ROBO1: variants seen among roughly 807,000 people sequenced by gnomAD.
ROBO1 encodes the protein roundabout homolog 1.
A neutral mutation model predicts 195.9 loss-of-function variants in ROBO1; 149 were observed. That is an observed-to-expected ratio of 0.76 (90% CI 0.67 to 0.87). ROBO1 has a LOEUF of 0.87. Among genes scored for constraint, ROBO1 ranks in the 40% least tolerant of loss-of-function variants. The probability of loss-of-function intolerance (pLI) is 0.00; values close to 1 mark genes in which losing one functional copy is unlikely to be tolerated. For missense variants in ROBO1, 1,933 were observed against 2,068.3 expected (o/e 0.93, Z 1.27); for synonymous variants, 816 against 733.2 (o/e 1.11, Z -1.82).
At chr3:79,275,936 T>G (rs143751190) in intron 2 of ROBO1, among the ~76,000 whole-genome samples, 1 of 151,774 alleles carries the variant, frequency 6.6e-6, no homozygotes, top group Admixed American at 6.6e-5. Flanking sequence ...GAAAGTTTTC[T>G]AAAATGAAAA....
At chr3:78,602,051 TG>T in intron 29 of ROBO1, among the ~76,000 whole-genome samples, 1 of 150,878 alleles carries the variant, frequency 6.6e-6, no homozygotes, top group African/African-American at 2.4e-5. Context: ...TGTGAGTGTG[TG>T]TGTGTGTGTG....
intron 2 of ROBO1, among the ~76,000 whole-genome samples, chr3:79,337,890 A>G (rs1400148767): frequency 6.6e-6 from 1 of 152,196 alleles, no homozygotes; most frequent in African/African-American, 2.4e-5. Flanking sequence ...AAGAAACACT[A>G]AAACTTTTTA....
chr3:79,707,510 A>T (rs1024507255), intron 1 of ROBO1, among the ~76,000 whole-genome samples: 3 of 152,060 alleles, frequency 2.0e-5, no homozygotes, highest in Non-Finnish European at 4.4e-5. Context: ...TTTATATTTT[A>T]AAAATAATTT....
At chr3:78,990,423 C>A (rs544015145) in intron 3 of ROBO1, among the ~76,000 whole-genome samples, 3 of 152,214 alleles carry the variant, frequency 2.0e-5, no homozygotes, top group African/African-American at 7.2e-5. Context: ...AGTCAGTTTT[C>A]CTTGTTAGCT....
intron 1 of ROBO1, among the ~76,000 whole-genome samples, chr3:79,612,084 T>C (rs1944676919): frequency 6.6e-6 from 1 of 151,572 alleles, no homozygotes. Context: ...ATTGTGCAGG[T>C]TAGTTACATA....
In ROBO1 at chr3:79,686,759, G is replaced by A. The variant is rs1947127244; in HGVS notation, c.-51+80993C>T. Among the ~76,000 whole-genome samples, 3 of 152,154 alleles carry A rather than the reference G, an allele frequency of 2.0e-5. No homozygotes were observed. The South Asian group carries it at 6.2e-4, about 32-fold the overall frequency. ...AAGGACATTCCATGCTCATGGGTAGGAAGAATCAATATCATGAAAATAGCC... is the reference window on the plus strand; with the variant it reads ...AAGGACATTCCATGCTCATGGGTAGAAAGAATCAATATCATGAAAATAGCC... On this transcript the variant is annotated intron_variant, in intron 1 of 30. Coordinates refer to ENST00000464233, the MANE Select transcript of ROBO1 (RefSeq NM_002941.4).
chr3:79,582,810 C>T (rs1455761739), intron 2 of ROBO1, among the ~76,000 whole-genome samples: 1 of 152,028 alleles, frequency 6.6e-6, no homozygotes, highest in African/African-American at 2.4e-5. Flanking sequence ...TTCTACCAAC[C>T]AAATAAGTTC....
intron 2 of ROBO1, among the ~76,000 whole-genome samples, chr3:79,368,175 C>T (rs1324466239): frequency 2.0e-5 from 3 of 152,034 alleles, no homozygotes; most frequent in Non-Finnish European, 4.4e-5. Flanking sequence ...TCAAATGATC[C>T]GCTCACCTCG....
chr3:79,692,170 G>A (rs1055977090), intron 1 of ROBO1, among the ~76,000 whole-genome samples: 3 of 151,830 alleles, frequency 2.0e-5, no homozygotes, highest in Non-Finnish European at 2.9e-5. Flanking sequence ...AGAGAAGGTG[G>A]AATGTTTAGA....
At chr3:79,619,564 G>A (rs1028571654) in intron 1 of ROBO1, among the ~76,000 whole-genome samples, 1 of 152,052 alleles carries the variant, frequency 6.6e-6, no homozygotes, top group East Asian at 1.9e-4. Context: ...CTGGCTTACA[G>A]TTTTGTTCCA....
intron 3 of ROBO1, among the ~76,000 whole-genome samples, chr3:79,007,713 T>C (rs1391722881): frequency 6.6e-6 from 1 of 152,216 alleles, no homozygotes. Flanking sequence ...GCAAACATTG[T>C]AGAATGGTTA....
chr3:78,645,557 T>C (rs1314020168), intron 21 of ROBO1, among the ~76,000 whole-genome samples: 2 of 152,094 alleles, frequency 1.3e-5, no homozygotes, highest in African/African-American at 4.8e-5. Flanking sequence ...ATTTGTGATT[T>C]CTCTGTGAAT....
chr3:78,861,792 C>T (rs1170117205), intron 4 of ROBO1, among the ~76,000 whole-genome samples: 12 of 152,210 alleles, frequency 7.9e-5, no homozygotes, highest in Middle Eastern at 3.4e-3. Context: ...TCCCTTATAT[C>T]TAGAAATATA....
Position 78,599,981 on chromosome 3 carries a change from G to A in ROBO1, c.4941+132C>T, listed in dbSNP as rs188885906. On this transcript the variant is annotated intron_variant, in intron 30 of 30. Coordinates refer to ENST00000464233, the MANE Select transcript of ROBO1 (RefSeq NM_002941.4). ...TCAAATTCTCAGAACTTCAGTTTCT[G>A]CCATCATAGACATTAGAGTACTGAA... is the stretch of plus-strand genomic sequence containing the variant. 141 of 762,850 alleles carry A rather than the reference G, an allele frequency of 1.8e-4. No individual in the cohort carries two copies. The African/African-American group carries it at 2.2e-3, about 12-fold the overall frequency. The allele number at this position is 762,850 out of a possible 1,614,324, so 47.3% of individuals were successfully genotyped here.
At chr3:79,720,935 G>A (rs1007864248) in intron 1 of ROBO1, among the ~76,000 whole-genome samples, 2 of 152,032 alleles carry the variant, frequency 1.3e-5, no homozygotes, top group South Asian at 2.1e-4. Flanking sequence ...TGGGACTACA[G>A]GCGCCCGCCA....
intron 1 of ROBO1, among the ~76,000 whole-genome samples, chr3:79,737,153 A>G (rs527596387): frequency 6.6e-6 from 1 of 152,302 alleles, no homozygotes; most frequent in Non-Finnish European, 1.5e-5. Flanking sequence ...AACCCAAAAT[A>G]TAGACAATCC....
chr3:78,876,365 TG>T (rs1318435748), intron 4 of ROBO1, among the ~76,000 whole-genome samples: 1 of 152,150 alleles, frequency 6.6e-6, no homozygotes, highest in Non-Finnish European at 1.5e-5. Flanking sequence ...AATTATATCT[TG>T]TTTTTATGAA....
intron 3 of ROBO1, among the ~76,000 whole-genome samples, chr3:79,076,038 A>G (rs1005052653): frequency 1.3e-5 from 2 of 151,352 alleles, no homozygotes; most frequent in Non-Finnish European, 2.9e-5. Flanking sequence ...GGATGTGAGC[A>G]AGTAATATAA....
chr3:79,386,433 T>C (rs573250717), intron 2 of ROBO1, among the ~76,000 whole-genome samples: 12 of 152,168 alleles, frequency 7.9e-5, no homozygotes, highest in Non-Finnish European at 1.6e-4. Flanking sequence ...TTTGAAATTA[T>C]GGAGTTTTTA....
Sources: gnomAD v4.1 joint callset for allele counts (sites outside exome capture counted in the v4.1 genomes callset) on GRCh38, gnomAD v4.1.1 for gene constraint, MANE v1.5 for transcripts, NCBI Gene and HGNC (gene_info 2026-07-23, HGNC 2026-07-21) for gene names.